Variants in CACNG6 observed in about 807,000 individuals in gnomAD.
CACNG6 encodes the protein voltage-dependent calcium channel gamma-6 subunit.
In CACNG6, 21 loss-of-function variants were observed where a neutral mutation model predicts 23.9. That is an observed-to-expected ratio of 0.88 (90% confidence interval 0.62 to 1.26). CACNG6 has a LOEUF of 1.26. Among genes scored for constraint, CACNG6 ranks in the 50% most tolerant of loss-of-function variants. CACNG6 has a pLI of 0.00. For synonymous variants in CACNG6, 182 were observed against 168.9 expected (o/e 1.08, Z -0.60); for missense variants, 340 against 352.9 (o/e 0.96, Z 0.29).
intron 3 of CACNG6, among the ~76,000 whole-genome samples, chr19:54,011,246 A>AC (rs58218407): frequency 0.02 from 2,784 of 137,278 alleles, 149 homozygotes; most frequent in East Asian, 0.076. Flanking sequence ...ACACACACAC[A>AC]AAAATTAGCC....
chr19:53,993,493 T>C (rs2069488035), intron 1 of CACNG6, among the ~76,000 whole-genome samples: 1 of 152,014 alleles, frequency 6.6e-6, no homozygotes, highest in Admixed American at 6.6e-5. Flanking sequence ...AAGACCAGAA[T>C]GTGCCTACAG....
Position 53,992,620 on chromosome 19 carries a change from C to A in CACNG6, c.-258C>A. 1 of 317,738 alleles carries A rather than the reference C, an allele frequency of 3.1e-6. No homozygotes were observed. Among genetic ancestry groups the A allele is most frequent in the East Asian group, 4.9e-5 (1 of 20,448 alleles). The allele number at this position is 317,738 out of a possible 1,614,324, so 19.7% of individuals were successfully genotyped here. On this transcript the variant is annotated 5_prime_UTR_variant, in exon 1 of 4. Coordinates refer to ENST00000252729, the MANE Select transcript of CACNG6 (RefSeq NM_145814.2). The surrounding 1 kb of genome is among the most constrained non-coding windows in gnomAD (Gnocchi z 4.1). ...TGGGCCCCGTCTTCTTTGCCAAGTT[C>A]TTGAGGGCAACCTAGACCCTCCTCT...
At chr19:54,008,537 C>T (rs1290259097) in intron 3 of CACNG6, among the ~76,000 whole-genome samples, 2 of 152,220 alleles carry the variant, frequency 1.3e-5, no homozygotes, top group African/African-American at 2.4e-5. Context: ...GGCCCCTGCC[C>T]GCCCCTGCAG....
Position 54,008,827 on chromosome 19 carries a change from C to A in CACNG6, c.545-3124C>A, listed in dbSNP as rs1385687315. Among the ~76,000 whole-genome samples, 21 of 152,204 alleles carry A rather than the reference C, an allele frequency of 1.4e-4. 1 individual carries two copies. The highest frequency in any genetic ancestry group is 1.5e-5 in the Non-Finnish European group (1 of 68,044). On this transcript the variant is annotated intron_variant, in intron 3 of 3. Transcript: ENST00000252729. ...TATTTCCTTCCTTTCATGCATCACC[C>A]TCTGAGATTATCTTGTCTCCTCATT...
rs1209217743 is a variant in CACNG6, at chr19:54,012,112, G to C, written c.706G>C (p.Gly236Arg). The C allele has an allele frequency of 6.4e-7, 1 of 1,565,230 alleles. No homozygotes were observed. The highest frequency in any genetic ancestry group is 8.6e-7 in the Non-Finnish European group (1 of 1,157,336). The change falls in exon 4 of 4, where the codon GGC (glycine) becomes CGC (arginine). Residue 236 changes from glycine (G) to arginine (R), a missense_variant. Gly to Arg is a moderately radical substitution (Grantham distance 125, BLOSUM62 -2). Coordinates refer to ENST00000252729, the MANE Select transcript of CACNG6 (RefSeq NM_145814.2). ...GAGLILLLGA[G>R]CFLLLTLPSW... ...CGGCCTGATCCTGCTGTTGGGGGCC[G>C]GCTGCTTTCTGCTGCTCACACTGCC...
At chr19:54,004,351 G>C (rs947994690) in intron 3 of CACNG6, among the ~76,000 whole-genome samples, 1 of 110,720 alleles carries the variant, frequency 9.0e-6, no homozygotes, top group Admixed American at 8.4e-5. Context: ...GTGTGTGTGT[G>C]TGTGTGTGTG....
At chr19:54,006,752 C>T (rs867559056) in intron 3 of CACNG6, among the ~76,000 whole-genome samples, 57 of 152,086 alleles carry the variant, frequency 3.7e-4, no homozygotes, top group Middle Eastern at 3.4e-3. Context: ...CCAGGCTGGT[C>T]TCGAACTCCT....
At chr19:53,993,532 C>T (rs2069489040) in intron 1 of CACNG6, among the ~76,000 whole-genome samples, 1 of 150,138 alleles carries the variant, frequency 6.7e-6, no homozygotes, top group African/African-American at 2.5e-5. Context: ...CCATCCTGTA[C>T]CCCCAGACCA....
intron 3 of CACNG6, among the ~76,000 whole-genome samples, chr19:54,010,661 T>C (rs2069696037): frequency 6.6e-6 from 1 of 152,020 alleles, no homozygotes; most frequent in African/African-American, 2.4e-5. Flanking sequence ...TGCTGCCTCA[T>C]CCTTCTGGGC....
chr19:53,992,875 A>G lies in CACNG6; in HGVS notation c.-3A>G. The G allele has an allele frequency of 7.2e-7, 1 of 1,389,930 alleles. No homozygotes were observed. The highest frequency in any genetic ancestry group is 2.0e-5 in the South Asian group (1 of 49,264). 86.1% of individuals were successfully genotyped at this position (1,389,930 alleles called of 1,614,324 possible). ...CCCCCTTCCCGACCCCACCGGCCAT[A>G]AGATGATGTGGTCCAACTTCTTCCT... is the stretch of plus-strand genomic sequence containing the variant. On this transcript the variant is annotated 5_prime_UTR_variant, in exon 1 of 4. In the 5' UTR this introduces an upstream ATG that the reference lacks. Coordinates refer to ENST00000252729, the MANE Select transcript of CACNG6 (RefSeq NM_145814.2). This position sits in a 1 kb window ranked among gnomAD's most constrained non-coding sequence, Gnocchi z 4.1.
chr19:54,007,436 A>G (rs2069660114), intron 3 of CACNG6, among the ~76,000 whole-genome samples: 2 of 152,222 alleles, frequency 1.3e-5, no homozygotes, highest in Non-Finnish European at 2.9e-5. Context: ...TTTTTTGTGG[A>G]GGACACAACT....
chr19:53,999,673 T>C lies in CACNG6; in HGVS notation c.446T>C (p.Leu149Pro), dbSNP rs1000047377. The C allele has an allele frequency of 3.1e-6, 5 of 1,613,934 alleles. No homozygotes were observed. Among genetic ancestry groups the C allele is most frequent in the Admixed American group, 1.7e-5 (1 of 59,996 alleles). The change falls in exon 3 of 4, where the codon CTG becomes CCG. Residue 149 changes from leucine to proline, a missense_variant. Coordinates refer to ENST00000252729, the MANE Select transcript of CACNG6 (RefSeq NM_145814.2). Reference protein sequence around the residue: ...LAAAVIAVLGLAVMALGCLCI... With the variant: ...LAAAVIAVLGPAVMALGCLCI... ...GCTGCGGTGATAGCAGTGCTGGGCC[T>C]GGCAGTCATGGCCTTGGGGTGCCTC...
At chr19:53,994,460 G>A (rs927868541) in intron 1 of CACNG6, among the ~76,000 whole-genome samples, 8 of 152,032 alleles carry the variant, frequency 5.3e-5, no homozygotes, top group South Asian at 2.1e-4. Context: ...GCCACGCCAC[G>A]GCTTGTGCTT....
chr19:54,005,210 AAAATAAATAAATAAATAAATAAAT>A (rs369829612), intron 3 of CACNG6, among the ~76,000 whole-genome samples: 2 of 132,810 alleles, frequency 1.5e-5, no homozygotes, highest in African/African-American at 2.7e-5. Flanking sequence ...CTCCATCTCA[AAAATAAATAAATAAATAAATAAAT>A]AAATAAATAA....
chr19:54,008,278 G>A lies in CACNG6; in HGVS notation c.545-3673G>A, dbSNP rs188005831. Among the ~76,000 whole-genome samples, 47 of 152,236 alleles carry A rather than the reference G, an allele frequency of 3.1e-4. No homozygotes were observed. The East Asian group carries it at 4.4e-3, about 14-fold the overall frequency. ...TGAGGCAGGAGAGTCTCTTGAACCC[G>A]AGAGGCAGAGGCTGCAGTGAGCTGA... On this transcript the variant is annotated intron_variant, in intron 3 of 3. Transcript: ENST00000252729.
intron 1 of CACNG6, among the ~76,000 whole-genome samples, chr19:53,996,300 C>T (rs570917230): frequency 6.6e-6 from 1 of 152,076 alleles, no homozygotes; most frequent in East Asian, 1.9e-4. Context: ...GTCTAAAATG[C>T]ACTTCAGAAA....
chr19:54,002,286 T>TTG (rs1435751128), intron 3 of CACNG6, among the ~76,000 whole-genome samples: 4 of 143,662 alleles, frequency 2.8e-5, no homozygotes, highest in East Asian at 4.0e-4. Flanking sequence ...TTTTTTTTGT[T>TTG]TTTTTTTTTT....
chr19:53,997,428 T>G (rs1023620504), intron 1 of CACNG6, among the ~76,000 whole-genome samples: 153 of 148,296 alleles, frequency 1.0e-3, no homozygotes, highest in Middle Eastern at 3.5e-3. Flanking sequence ...TCCTGTTTTG[T>G]TTTTTTTTTC....
Position 54,012,261 on chromosome 19 carries a change from T to G in CACNG6, c.*72T>G. 1 of 650,944 alleles carries G rather than the reference T, an allele frequency of 1.5e-6. No homozygotes were observed. Among genetic ancestry groups the G allele is most frequent in the Non-Finnish European group, 2.4e-6 (1 of 417,392 alleles). 40.3% of individuals were successfully genotyped at this position (650,944 alleles called of 1,614,324 possible). ...TCTCCATTGTACCCCCAAGATCTTTTTGCCCCATCTCCTAGAGAAACTGTG... is the reference window on the plus strand; with the variant it reads ...TCTCCATTGTACCCCCAAGATCTTTGTGCCCCATCTCCTAGAGAAACTGTG... On this transcript the variant is annotated 3_prime_UTR_variant, in exon 4 of 4. Transcript: ENST00000252729.
Sources: allele counts gnomAD v4.1 joint callset (sites outside exome capture counted in the v4.1 genomes callset), GRCh38; gene constraint gnomAD v4.1.1; non-coding constraint Gnocchi (gnomAD v3.1); transcripts MANE v1.5; gene names NCBI Gene and HGNC (gene_info 2026-07-23, HGNC 2026-07-21).